GABRB1: variants seen among roughly 807,000 people sequenced by gnomAD.
GABRB1 encodes the protein gamma-aminobutyric acid type A receptor subunit beta1.
A neutral mutation model predicts 51.6 loss-of-function variants in GABRB1; 17 were observed. The ratio of observed to expected loss-of-function variants is 0.33; its 90% CI spans 0.23 to 0.49. The LOEUF is 0.49. Ranked by LOEUF, GABRB1 falls within the 20% of genes least tolerant of loss-of-function variation. The probability of loss-of-function intolerance (pLI) is 0.99; values close to 1 mark genes in which losing one functional copy is unlikely to be tolerated. For synonymous variants in GABRB1, 247 were observed against 218.9 expected (o/e 1.13, Z -1.14); for missense variants, 410 against 600.6 (o/e 0.68, Z 3.32).
upstream of GABRB1, among the ~76,000 whole-genome samples, chr4:47,027,092 A>G (rs1488364743): frequency 6.6e-6 from 1 of 151,754 alleles, no homozygotes; most frequent in East Asian, 1.9e-4. Flanking sequence ...TGTTAACTAT[A>G]CTTATTAATG....
intron 5 of GABRB1, among the ~76,000 whole-genome samples, chr4:47,401,424 G>C (rs1398047803): frequency 6.6e-6 from 1 of 152,148 alleles, no homozygotes; most frequent in African/African-American, 2.4e-5. Context: ...CATACAGGTG[G>C]TAATACCCTT....
chr4:47,273,112 G>A (rs557855146), intron 4 of GABRB1, among the ~76,000 whole-genome samples: 15 of 152,062 alleles, frequency 9.9e-5, no homozygotes, highest in Admixed American at 2.0e-4. Flanking sequence ...CTTATGGTGC[G>A]TTGGCTTTAA....
intron 1 of GABRB1, among the ~76,000 whole-genome samples, chr4:46,997,847 C>G (rs191622932): frequency 7.6e-4 from 116 of 152,244 alleles, no homozygotes; most frequent in African/African-American, 2.7e-3. Flanking sequence ...TAGGTTGTAT[C>G]CATATCTTGA....
intron 1 of GABRB1, 63 bp downstream of exon 1, chr4:47,031,794 C>A: frequency 6.5e-7 from 1 of 1,531,832 alleles, no homozygotes; most frequent in South Asian, 1.1e-5. Flanking sequence ...TGGTATGTTT[C>A]TTTTTACGTG....
At chr4:47,242,079 C>T (rs1276398849) in intron 4 of GABRB1, among the ~76,000 whole-genome samples, 7 of 151,800 alleles carry the variant, frequency 4.6e-5, no homozygotes, top group Non-Finnish European at 2.9e-5. Context: ...ATGTTCCCCA[C>T]CCTGTGTCCA....
At chr4:47,390,653 A>G (rs1199054499) in intron 5 of GABRB1, among the ~76,000 whole-genome samples, 2 of 152,216 alleles carry the variant, frequency 1.3e-5, no homozygotes, top group Non-Finnish European at 2.9e-5. Flanking sequence ...AGGAAACAAC[A>G]TCCTTGGTAT....
At chr4:47,048,531 A>G (rs1280153017) in intron 3 of GABRB1, among the ~76,000 whole-genome samples, 5 of 152,182 alleles carry the variant, frequency 3.3e-5, no homozygotes, top group Non-Finnish European at 1.5e-5. Flanking sequence ...GATGCATTCA[A>G]TTCAAGTCTA....
Position 47,031,585 on chromosome 4 carries a change from A to C in GABRB1, c.-67A>C, listed in dbSNP as rs1354500408. On this transcript the variant is annotated 5_prime_UTR_variant, in exon 1 of 9. Transcript: ENST00000295454. Reference sequence around the variant, plus strand: ...CAGGTCCATTCGGGAATTACTGCCCAGCAGCCGACTAAGTTGCATTCCTTG... The same window carrying C: ...CAGGTCCATTCGGGAATTACTGCCCCGCAGCCGACTAAGTTGCATTCCTTG... 3.7e-6 allele frequency: 5 copies of C among 1,361,732 alleles called. No homozygotes were observed. Among genetic ancestry groups the C allele is most frequent in the Non-Finnish European group, 5.3e-6 (5 of 950,814 alleles). 84.4% of individuals were successfully genotyped at this position (1,361,732 alleles called of 1,614,324 possible). A position where few individuals can be genotyped will look rare whatever the true frequency, so the allele number is the denominator to read the frequency against.
At chr4:47,214,265 G>C (rs1329999189) in intron 4 of GABRB1, among the ~76,000 whole-genome samples, 1 of 152,142 alleles carries the variant, frequency 6.6e-6, no homozygotes, top group Non-Finnish European at 1.5e-5. Context: ...CGGGTGGTGG[G>C]ACTCCCTTTG....
chr4:47,323,982 T>A (rs1321442261), intron 5 of GABRB1, among the ~76,000 whole-genome samples: 1 of 152,140 alleles, frequency 6.6e-6, no homozygotes, highest in Non-Finnish European at 1.5e-5. Context: ...AGCAGTATCA[T>A]GTGAGGGTTT....
intron 3 of GABRB1, chr4:47,032,881 G>T (rs1725393316): frequency 2.6e-6 from 1 of 389,978 alleles, no homozygotes; most frequent in Non-Finnish European, 5.2e-6. Context: ...CTCCCCAGGC[G>T]CGGTGCTGGC....
At chr4:47,049,662 T>C (rs1480997960) in intron 3 of GABRB1, among the ~76,000 whole-genome samples, 1 of 152,218 alleles carries the variant, frequency 6.6e-6, no homozygotes, top group African/African-American at 2.4e-5. Flanking sequence ...ATCGTCTTTA[T>C]TTTTAAAAAA....
intron 3 of GABRB1, among the ~76,000 whole-genome samples, chr4:47,105,781 C>A (rs1714941826): frequency 6.6e-6 from 1 of 152,090 alleles, no homozygotes; most frequent in African/African-American, 2.4e-5. Context: ...TTTCCCAGTT[C>A]TCTGCCCCCA....
At chr4:47,295,541 G>C (rs1290962259) in intron 4 of GABRB1, among the ~76,000 whole-genome samples, 1 of 152,132 alleles carries the variant, frequency 6.6e-6, no homozygotes, top group Admixed American at 6.5e-5. Context: ...AATGAAGCGA[G>C]AAGGGAAGTT....
At chr4:47,299,212 T>A (rs1332756869) in intron 4 of GABRB1, among the ~76,000 whole-genome samples, 1 of 152,032 alleles carries the variant, frequency 6.6e-6, no homozygotes, top group African/African-American at 2.4e-5. Flanking sequence ...CCAAAAGCAA[T>A]GGCAGCAAAA....
intron 4 of GABRB1, among the ~76,000 whole-genome samples, chr4:47,238,106 C>A (rs1165879306): frequency 6.6e-6 from 1 of 151,808 alleles, no homozygotes; most frequent in Non-Finnish European, 1.5e-5. Context: ...GAAATCAAGA[C>A]CATTCAAGAA....
intron 4 of GABRB1, among the ~76,000 whole-genome samples, chr4:47,204,735 T>G (rs1720047223): frequency 6.6e-6 from 1 of 152,162 alleles, no homozygotes; most frequent in Non-Finnish European, 1.5e-5. Flanking sequence ...CCTGCCACCA[T>G]CCAAGTAAGA....
intron 5 of GABRB1, among the ~76,000 whole-genome samples, chr4:47,397,184 AGAG>A (rs1390175114): frequency 1.3e-5 from 2 of 152,198 alleles, no homozygotes; most frequent in African/African-American, 4.8e-5. Context: ...ATTATTTGTT[AGAG>A]TTAGAAAGGC....
chr4:47,325,922 G>A (rs1725242347), intron 5 of GABRB1, among the ~76,000 whole-genome samples: 1 of 152,126 alleles, frequency 6.6e-6, no homozygotes, highest in Non-Finnish European at 1.5e-5. Flanking sequence ...GTAGCTTTTG[G>A]AGGTGATTAG....
Sources: gnomAD v4.1 joint callset for allele counts (sites outside exome capture counted in the v4.1 genomes callset) on GRCh38, gnomAD v4.1.1 for gene constraint, MANE v1.5 for transcripts, NCBI Gene and HGNC (gene_info 2026-07-23, HGNC 2026-07-21) for gene names.